The following LY86 variants were observed in gnomAD, a reference collection of about 807,000 sequenced individuals.
LY86 encodes the protein MD-1, RP105-associated.
LY86 carries 20 observed loss-of-function variants against 17.3 expected under a neutral mutation model. The ratio of observed to expected loss-of-function variants is 1.15; its 90% CI spans 0.81 to 1.68. The LOEUF (loss-of-function observed/expected upper bound fraction) is 1.68. LY86 is among the 40% of genes most tolerant of loss of function. The pLI is 0.00. For missense variants in LY86, 200 were observed against 191.9 expected (o/e 1.04, Z -0.25); for synonymous variants, 74 against 70.6 (o/e 1.05, Z -0.24).
intron 1 of LY86, among the ~76,000 whole-genome samples, chr6:6,595,253 G>A (rs1013631145): frequency 2.7e-5 from 4 of 150,034 alleles, no homozygotes; most frequent in Non-Finnish European, 5.9e-5. Flanking sequence ...AGAACAAGAA[G>A]GAGGGAAGGG....
intron 1 of LY86, among the ~76,000 whole-genome samples, chr6:6,605,251 A>C (rs1761069193): frequency 1.3e-5 from 2 of 151,208 alleles, no homozygotes; most frequent in South Asian, 4.2e-4. Context: ...TGGCAGTTAA[A>C]AACAATAAGC....
chr6:6,654,691 G>A lies in LY86; in HGVS notation c.*64G>A, dbSNP rs1009514992. The A allele has an allele frequency of 2.2e-6, 3 of 1,388,756 alleles. No homozygotes were observed. The highest frequency in any genetic ancestry group is 3.4e-5 in the Admixed American group (2 of 58,538). 86.0% of individuals were successfully genotyped at this position (1,388,756 alleles called of 1,614,324 possible). On this transcript the variant is annotated 3_prime_UTR_variant, in exon 5 of 5. Transcript: ENST00000230568. ...GTGGGACCTCCAAGCTCCTCTGACT[G>A]AACCTACTGTGGGAGGAGAAGCAGC... is the stretch of plus-strand genomic sequence containing the variant.
At chr6:6,613,194 C>T (rs922850403) in intron 1 of LY86, among the ~76,000 whole-genome samples, 13 of 152,080 alleles carry the variant, frequency 8.5e-5, no homozygotes, top group African/African-American at 1.2e-4. Context: ...CCACCAGACT[C>T]AGGAGCCCAG....
chr6:6,653,347 G>A (rs1419293512), intron 4 of LY86, among the ~76,000 whole-genome samples: 1 of 152,030 alleles, frequency 6.6e-6, no homozygotes, highest in Admixed American at 6.5e-5. Context: ...TGGGTGACAG[G>A]CAGTTCAAAG....
chr6:6,608,114 A>G (rs1035086248), intron 1 of LY86, among the ~76,000 whole-genome samples: 1 of 152,232 alleles, frequency 6.6e-6, no homozygotes, highest in Admixed American at 6.5e-5. Context: ...GAGTGAGACA[A>G]ATTTGCCCGT....
chr6:6,651,656 T>G (rs1762188476), intron 4 of LY86, among the ~76,000 whole-genome samples: 1 of 152,188 alleles, frequency 6.6e-6, no homozygotes, highest in East Asian at 1.9e-4. Flanking sequence ...TTACTAACAA[T>G]TGACTTTCAC....
At chr6:6,646,360 G>T (rs1277889310) in intron 3 of LY86, among the ~76,000 whole-genome samples, 2 of 152,120 alleles carry the variant, frequency 1.3e-5, no homozygotes, top group African/African-American at 4.8e-5. Flanking sequence ...GGATCACAGG[G>T]GAGGCAGTAA....
In LY86 at chr6:6,653,595, G is replaced by A. The variant is rs879411731; in HGVS notation, c.406-949G>A. 3.9e-5 allele frequency among the ~76,000 whole-genome samples: 6 copies of A among 152,162 alleles called. 1 individual carries two copies. Among genetic ancestry groups the A allele is most frequent in the Non-Finnish European group, 5.9e-5 (4 of 68,026 alleles). ...CTGCCAAGCTGACTGCAAAGGAAGGGAGACCTCCTTACAGTGTTGCTGCCA... is the reference window on the plus strand; with the variant it reads ...CTGCCAAGCTGACTGCAAAGGAAGGAAGACCTCCTTACAGTGTTGCTGCCA... On this transcript the variant is annotated intron_variant, in intron 4 of 4. Transcript: ENST00000230568.
At chr6:6,643,539 G>A (rs1375802396) in intron 3 of LY86, among the ~76,000 whole-genome samples, 1 of 152,238 alleles carries the variant, frequency 6.6e-6, no homozygotes, top group Non-Finnish European at 1.5e-5. Flanking sequence ...GTCAAAGGGT[G>A]CAAACTTGCA....
intron 2 of LY86, among the ~76,000 whole-genome samples, chr6:6,625,295 G>T (rs995454483): frequency 6.6e-6 from 1 of 151,962 alleles, no homozygotes. Flanking sequence ...CAAAAAAAAA[G>T]GAAAATATTT....
intron 3 of LY86, among the ~76,000 whole-genome samples, chr6:6,641,742 G>A (rs1025010127): frequency 1.3e-5 from 2 of 152,306 alleles, no homozygotes; most frequent in Admixed American, 6.5e-5. Flanking sequence ...TAGAAAAAGG[G>A]GCACCTTCTG....
At chr6:6,605,980 A>C (rs960667621) in intron 1 of LY86, among the ~76,000 whole-genome samples, 1 of 152,170 alleles carries the variant, frequency 6.6e-6, no homozygotes, top group African/African-American at 2.4e-5. Context: ...AAGAGCGACC[A>C]CCAGCAAAAT....
intron 1 of LY86, among the ~76,000 whole-genome samples, chr6:6,607,500 AAAG>A (rs1457611865): frequency 2.0e-5 from 3 of 152,250 alleles, no homozygotes; most frequent in Non-Finnish European, 2.9e-5. Context: ...AATAAAAACA[AAAG>A]AAAAAATTAA....
At chr6:6,612,494 CAA>C (rs1217604684) in intron 1 of LY86, among the ~76,000 whole-genome samples, 1 of 149,674 alleles carries the variant, frequency 6.7e-6, no homozygotes, top group Non-Finnish European at 1.5e-5. Flanking sequence ...GTGTAAACAA[CAA>C]AAACACTTAC....
intron 3 of LY86, among the ~76,000 whole-genome samples, chr6:6,648,446 T>C (rs1762138448): frequency 6.6e-6 from 1 of 152,170 alleles, no homozygotes; most frequent in Non-Finnish European, 1.5e-5. Flanking sequence ...CATCTCCCTC[T>C]ATCCTCCTAA....
chr6:6,594,694 T>G (rs1760645396), intron 1 of LY86, among the ~76,000 whole-genome samples: 1 of 152,140 alleles, frequency 6.6e-6, no homozygotes, highest in South Asian at 2.1e-4. Flanking sequence ...TGCAAGGTAT[T>G]TATAAGATCC....
chr6:6,639,792 T>C (rs1157748628), intron 3 of LY86, among the ~76,000 whole-genome samples: 1 of 152,182 alleles, frequency 6.6e-6, no homozygotes, highest in African/African-American at 2.4e-5. Context: ...TCACAGTTTC[T>C]GGGGATTATG....
At chr6:6,645,913 T>G (rs564379650) in intron 3 of LY86, among the ~76,000 whole-genome samples, 9 of 152,208 alleles carry the variant, frequency 5.9e-5, no homozygotes, top group African/African-American at 2.2e-4. Flanking sequence ...CTCTAGAGAC[T>G]GATGAGTTCT....
Position 6,604,537 on chromosome 6 carries a change from T to C in LY86, c.136+15667T>C, listed in dbSNP as rs1761033834. On this transcript the variant is annotated intron_variant, in intron 1 of 4. Coordinates refer to ENST00000230568, the MANE Select transcript of LY86 (RefSeq NM_004271.4). ...AAAGGTCTAGAGCTATGACTCAAAA[T>C]CTACCACAGAGAAATAAAACGAAAA... Among the ~76,000 whole-genome samples the C allele has an allele frequency of 2.6e-5, 4 of 152,064 alleles. No homozygotes were observed. In the South Asian group the frequency reaches 8.3e-4, roughly 32 times the overall value.
Sources: allele counts gnomAD v4.1 joint callset (sites outside exome capture counted in the v4.1 genomes callset), GRCh38; gene constraint gnomAD v4.1.1; transcripts MANE v1.5; gene names NCBI Gene and HGNC (gene_info 2026-07-23, HGNC 2026-07-21).